PKHD1L1: variants seen among roughly 807,000 people sequenced by gnomAD.
The protein encoded by PKHD1L1 is fibrocystin-L.
Under a neutral mutation model 462.9 loss-of-function variants are expected in PKHD1L1, and 434 were observed. The observed-to-expected ratio is 0.94, with a 90% CI of 0.87 to 1.02. PKHD1L1 has a LOEUF of 1.02. PKHD1L1 is among the 50% of genes least tolerant of loss of function. The probability of loss-of-function intolerance (pLI) is 0.00; values close to 1 mark genes in which losing one functional copy is unlikely to be tolerated. For synonymous variants in PKHD1L1, 1,781 were observed against 1,750.0 expected, an observed-to-expected ratio of 1.02 and a Z score of -0.44; for missense variants, 5,202 against 5,096.1, an observed-to-expected ratio of 1.02 and a Z score of -0.63.
At chr8:109,427,365 T>G (rs955745679) in intron 25 of PKHD1L1, among the ~76,000 whole-genome samples, 1 of 152,206 alleles carries the variant, frequency 6.6e-6, no homozygotes, top group Non-Finnish European at 1.5e-5. Flanking sequence ...CTGTTGGTAC[T>G]TTACTCCATA....
chr8:109,489,107 A>G (rs897047653), intron 59 of PKHD1L1, among the ~76,000 whole-genome samples: 2 of 151,922 alleles, frequency 1.3e-5, no homozygotes, highest in African/African-American at 4.8e-5. Context: ...TCAATTATTC[A>G]TATCTTCTCA....
intron 56 of PKHD1L1, among the ~76,000 whole-genome samples, chr8:109,482,688 C>A (rs1426286284): frequency 2.0e-5 from 3 of 151,294 alleles, no homozygotes; most frequent in Admixed American, 6.6e-5. Flanking sequence ...CATCCTTTTC[C>A]TATTGATGTA....
At chr8:109,395,044 C>G (rs1812900860) in intron 10 of PKHD1L1, among the ~76,000 whole-genome samples, 1 of 152,198 alleles carries the variant, frequency 6.6e-6, no homozygotes, top group Admixed American at 6.5e-5. Context: ...GGGGCTGCAG[C>G]TGGCTGTGCT....
chr8:109,483,106 G>A lies in PKHD1L1; in HGVS notation c.9576+1G>A. 1 of 1,563,866 alleles carries A rather than the reference G, an allele frequency of 6.4e-7. No homozygotes were observed. The highest frequency in any genetic ancestry group is 1.2e-5 in the South Asian group (1 of 84,752). ...TCTGATGGATGCTGTGGATTGGCAG[G>A]TAGACAAAATAATTATGTAATGGAA... On this transcript the variant is annotated splice_donor_variant, in intron 57 of 77. Transcript: ENST00000378402. LOFTEE classifies it high-confidence loss of function.
intron 30 of PKHD1L1, among the ~76,000 whole-genome samples, chr8:109,437,448 T>C (rs1187069728): frequency 1.3e-5 from 2 of 151,424 alleles, no homozygotes; most frequent in Non-Finnish European, 2.9e-5. Context: ...ACCCATTAAC[T>C]TGTCATTTAA....
intron 59 of PKHD1L1, among the ~76,000 whole-genome samples, chr8:109,488,296 C>T (rs1337257501): frequency 6.6e-6 from 1 of 151,854 alleles, no homozygotes; most frequent in East Asian, 1.9e-4. Flanking sequence ...TCATTATGTG[C>T]TCCTGGATCA....
intron 38 of PKHD1L1, among the ~76,000 whole-genome samples, chr8:109,446,860 C>T (rs546801210): frequency 6.6e-6 from 1 of 152,194 alleles, no homozygotes; most frequent in African/African-American, 2.4e-5. Flanking sequence ...CAACGCTGTT[C>T]CATTTGAAAG....
intron 71 of PKHD1L1, among the ~76,000 whole-genome samples, chr8:109,512,790 A>T (rs924380408): frequency 5.3e-4 from 80 of 151,762 alleles, no homozygotes; most frequent in Non-Finnish European, 9.1e-4. Flanking sequence ...CTTGGGCAGT[A>T]TGGCCATTTT....
intron 54 of PKHD1L1, 88 bp from the exon 55 acceptor site, chr8:109,479,903 A>ACT: frequency 7.9e-7 from 1 of 1,273,356 alleles, no homozygotes; most frequent in Non-Finnish European, 1.1e-6. Flanking sequence ...AACACTCAAA[A>ACT]CTAGGACTCA....
chr8:109,426,483 T>G (rs1814755633), intron 24 of PKHD1L1, among the ~76,000 whole-genome samples: 1 of 151,918 alleles, frequency 6.6e-6, no homozygotes. Flanking sequence ...ATTTTGAAAT[T>G]GATAAAATTG....
At chr8:109,389,340 T>C (rs1812597341) in intron 8 of PKHD1L1, among the ~76,000 whole-genome samples, 188 bp downstream of exon 8, 1 of 152,190 alleles carries the variant, frequency 6.6e-6, no homozygotes, top group Non-Finnish European at 1.5e-5. Flanking sequence ...CAGTATTTTC[T>C]TATGGTTTAT....
At chr8:109,389,693 A>C (rs184642489) in intron 8 of PKHD1L1, among the ~76,000 whole-genome samples, 1 of 151,956 alleles carries the variant, frequency 6.6e-6, no homozygotes, top group Non-Finnish European at 1.5e-5. Context: ...ATGCCTGGCT[A>C]ATTTTTGTAT....
chr8:109,415,128 A>G (rs1416960758), intron 21 of PKHD1L1, among the ~76,000 whole-genome samples: 1 of 151,512 alleles, frequency 6.6e-6, no homozygotes, highest in East Asian at 1.9e-4. Context: ...CTCCCCCCAC[A>G]AGTAGCTGGG....
At position 109,526,955 on chromosome 8, in the gene PKHD1L1, T is replaced by C. The variant is rs1172402903; in HGVS notation, c.12656T>C (p.Leu4219Pro). The C allele has an allele frequency of 6.2e-7, 1 of 1,613,868 alleles. No individual in the cohort carries two copies. Among genetic ancestry groups the C allele is most frequent in the Non-Finnish European group, 8.5e-7 (1 of 1,179,840 alleles). The change falls in exon 77 of 78, where the codon CTG becomes CCG. Residue 4219 changes from leucine to proline, a missense_variant. Leu to Pro is a moderately conservative substitution (Grantham distance 98, BLOSUM62 -3). Coordinates refer to ENST00000378402, the MANE Select transcript of PKHD1L1 (RefSeq NM_177531.6). ...AQIMTVVISC[L>P]VGRMWLLEIF... The stretch of plus-strand genomic sequence containing the variant: ...ATAATGACTGTAGTAATTAGCTGTC[T>C]GGTTGGAAGAATGTGGCTCTTGGAA...
chr8:109,380,003 C>G (rs1397429263), intron 2 of PKHD1L1, among the ~76,000 whole-genome samples: 1 of 152,146 alleles, frequency 6.6e-6, no homozygotes, highest in Non-Finnish European at 1.5e-5. Context: ...AAGAGCAAGG[C>G]AGTTAGGGGC....
At chr8:109,496,388 A>G (rs1563609674) in intron 63 of PKHD1L1, among the ~76,000 whole-genome samples, 1 of 152,226 alleles carries the variant, frequency 6.6e-6, no homozygotes, top group East Asian at 1.9e-4. Context: ...CCAGAAGGAC[A>G]TAGCAATGGA....
At chr8:109,523,433 A>G in intron 76 of PKHD1L1, 47 bp downstream of exon 76, 1 of 1,493,748 alleles carries the variant, frequency 6.7e-7, no homozygotes, top group Non-Finnish European at 9.2e-7. Flanking sequence ...ATAAATAGAG[A>G]CAATTATAAT....
chr8:109,512,019 T>A (rs1211312332), intron 71 of PKHD1L1, among the ~76,000 whole-genome samples: 1 of 152,226 alleles, frequency 6.6e-6, no homozygotes, highest in Non-Finnish European at 1.5e-5. Context: ...GTTCATGTCC[T>A]TTGCCCACTT....
intron 56 of PKHD1L1, among the ~76,000 whole-genome samples, chr8:109,481,950 G>C (rs1818295808): frequency 6.6e-6 from 1 of 151,492 alleles, no homozygotes. Context: ...TTCCTTAAAG[G>C]GTAACTTTCC....
Sources: gnomAD v4.1 joint callset for allele counts (sites outside exome capture counted in the v4.1 genomes callset) on GRCh38, gnomAD v4.1.1 for gene constraint, MANE v1.5 for transcripts, NCBI Gene and HGNC (gene_info 2026-07-23, HGNC 2026-07-21) for gene names.